Variants in HSPA9 observed in about 807,000 individuals in gnomAD.
HSPA9 encodes stress-70 protein, mitochondrial.
Under a neutral mutation model 81.5 loss-of-function variants are expected in HSPA9, and 28 were observed. That is an observed-to-expected ratio of 0.34 (90% confidence interval 0.25 to 0.47). The LOEUF (loss-of-function observed/expected upper bound fraction) is 0.47, where lower values mean the gene tolerates loss of function less well. Ranked by LOEUF, HSPA9 falls within the 20% of genes least tolerant of loss-of-function variation. The probability of loss-of-function intolerance (pLI) is 1.00; values close to 1 mark genes in which losing one functional copy is unlikely to be tolerated. For synonymous variants in HSPA9, 293 were observed against 290.4 expected (o/e 1.01, Z -0.09); for missense variants, 678 against 838.0 (o/e 0.81, Z 2.36).
At position 138,555,949 on chromosome 5, in the gene HSPA9, G is replaced by T; in HGVS notation, c.*88C>A. ...GAATACTGCAAAAACACAGTAAAAA[G>T]ACTGAAGTTCGCCCATTTCTGCTCA... On this transcript the variant is annotated 3_prime_UTR_variant, in exon 17 of 17. Coordinates refer to ENST00000297185, the MANE Select transcript of HSPA9 (RefSeq NM_004134.7). 3.3e-6 allele frequency: 3 copies of T among 906,620 alleles called. No homozygotes were observed. The highest frequency in any genetic ancestry group is 5.5e-6 in the Non-Finnish European group (3 of 543,784). 56.2% of individuals were successfully genotyped at this position (906,620 alleles called of 1,614,324 possible).
chr5:138,558,714 T>C, intron 11 of HSPA9, 57 bp from the exon 12 acceptor site: 1 of 1,110,170 alleles, frequency 9.0e-7, no homozygotes, highest in Non-Finnish European at 1.4e-6. Flanking sequence ...TCCATTTCTA[T>C]AGAAAAAATG....
Position 138,556,862 on chromosome 5 carries a change from C to A in HSPA9, c.1733G>T (p.Arg578Leu). 1 of 1,611,770 alleles carries A rather than the reference C, an allele frequency of 6.2e-7. No homozygotes were observed. The highest frequency in any genetic ancestry group is 1.1e-5 in the South Asian group (1 of 91,012). ...YAEEDRRKKE[R>L]VEAVNMAEGI... ...TTCAGCCATATTAACTGCTTCAACT[C>A]GTTCCTTAGAGAAATTAGAAGTTTA... The change falls in exon 15 of 17, where the codon CGA becomes CTA. Residue 578 changes from arginine (R) to leucine (L), a missense_variant. This residue lies in a region of HSPA9 where 484 missense variants were observed against 647.5 expected (regional missense o/e 0.75). Transcript: ENST00000297185.
chr5:138,554,191 G>T lies in HSPA9; in HGVS notation c.*1846C>A, dbSNP rs942544405. On this transcript the variant is annotated 3_prime_UTR_variant, in exon 17 of 17. Transcript: ENST00000297185. ...AAATACTGTGTCCACCCATACCCAA[G>T]CAACTTCTCCCTCCTAATAGAACTC... Among the ~76,000 whole-genome samples, 1 of 152,210 alleles carries T rather than the reference G, an allele frequency of 6.6e-6. No individual in the cohort carries two copies. The highest frequency in any genetic ancestry group is 2.1e-4 in the South Asian group (1 of 4,824).
At chr5:138,556,715 T>G in intron 15 of HSPA9, 59 bp downstream of exon 15, 2 of 1,559,040 alleles carry the variant, frequency 1.3e-6, no homozygotes, top group Non-Finnish European at 1.8e-6. Flanking sequence ...AAAAATAAAC[T>G]TCACTGGCAT....
At chr5:138,561,826 G>C (rs1334003899) in intron 9 of HSPA9, 37 bp from the exon 10 acceptor site, 1 of 1,481,792 alleles carries the variant, frequency 6.7e-7, no homozygotes, top group Non-Finnish European at 9.4e-7. Flanking sequence ...TCAGCGAGCA[G>C]GCCAAATGAC....
chr5:138,572,535 T>G (rs1271562187), intron 3 of HSPA9, among the ~76,000 whole-genome samples: 1 of 152,222 alleles, frequency 6.6e-6, no homozygotes, highest in South Asian at 2.1e-4. Context: ...CTATTTCTTT[T>G]GAAGCCTCCT....
intron 10 of HSPA9, chr5:138,561,228 C>A (rs1580743632): frequency 2.7e-6 from 1 of 368,594 alleles, no homozygotes; most frequent in Non-Finnish European, 5.5e-6. Flanking sequence ...TGTTTCAATC[C>A]TAAAAATTCT....
chr5:138,573,893 A>T, intron 2 of HSPA9, 43 bp from the exon 3 acceptor site: 1 of 1,482,366 alleles, frequency 6.7e-7, no homozygotes, highest in Non-Finnish European at 9.4e-7. Context: ...TGTTATCTTG[A>T]TAGACCAAAG....
intron 6 of HSPA9, 22 bp from the exon 7 acceptor site, chr5:138,567,583 A>C: frequency 6.2e-7 from 1 of 1,609,732 alleles, no homozygotes; most frequent in Non-Finnish European, 8.5e-7. Flanking sequence ...AAAGAGAAAA[A>C]CATTTTTGTA....
intron 9 of HSPA9, among the ~76,000 whole-genome samples, chr5:138,562,043 A>G (rs1750672407): frequency 6.6e-6 from 1 of 151,358 alleles, no homozygotes; most frequent in Non-Finnish European, 1.5e-5. Flanking sequence ...GGTTCAAGCG[A>G]TTCTCCTGCC....
At position 138,554,803 on chromosome 5, in the gene HSPA9, T is replaced by C. The variant is rs1750485228; in HGVS notation, c.*1234A>G. 1.3e-5 allele frequency: 2 copies of C among 152,192 alleles called. No individual in the cohort carries two copies. 9.4% of individuals were successfully genotyped at this position (152,192 alleles called of 1,614,324 possible). Reference sequence around the variant, plus strand: ...AGATGTAGTTGCCTTTCTGCTCAGGTTGTCAGCACATGATAATTATTAGAA... The same window carrying C: ...AGATGTAGTTGCCTTTCTGCTCAGGCTGTCAGCACATGATAATTATTAGAA... On this transcript the variant is annotated 3_prime_UTR_variant, in exon 17 of 17. Coordinates refer to ENST00000297185, the MANE Select transcript of HSPA9 (RefSeq NM_004134.7).
intron 4 of HSPA9, among the ~76,000 whole-genome samples, chr5:138,570,459 C>T (rs1419327963): frequency 6.6e-6 from 1 of 152,156 alleles, no homozygotes; most frequent in Admixed American, 6.5e-5. Context: ...CATGTCAATA[C>T]ATAGCAAAGA....
At chr5:138,572,911 T>A (rs997094258) in intron 3 of HSPA9, among the ~76,000 whole-genome samples, 5 of 152,156 alleles carry the variant, frequency 3.3e-5, no homozygotes, top group African/African-American at 1.2e-4. Context: ...TTTTTTTTTT[T>A]TTGAGACAAA....
At chr5:138,575,156 A>T (rs1751061446) in intron 1 of HSPA9, 82 bp downstream of exon 1, 1 of 963,586 alleles carries the variant, frequency 1.0e-6, no homozygotes, top group African/African-American at 1.6e-5. Flanking sequence ...CAAACCCTAA[A>T]GGGCGCGCGG....
At chr5:138,563,033 G>T (rs1276716277) in intron 9 of HSPA9, among the ~76,000 whole-genome samples, 1 of 152,194 alleles carries the variant, frequency 6.6e-6, no homozygotes, top group African/African-American at 2.4e-5. Flanking sequence ...TTCTTCAGGA[G>T]AAGTATCCTA....
Position 138,567,733 on chromosome 5 carries a change from A to G in HSPA9, c.536-11T>C. ...GCCCCAAGTAATTTTCTGGAAAAGAATGAAATTCAATCATGGAATTCTGTC... is the reference window on the plus strand; with the variant it reads ...GCCCCAAGTAATTTTCTGGAAAAGAGTGAAATTCAATCATGGAATTCTGTC... On this transcript the variant is annotated splice_polypyrimidine_tract_variant and intron_variant, in intron 5 of 16. Coordinates refer to ENST00000297185, the MANE Select transcript of HSPA9 (RefSeq NM_004134.7). 6.3e-7 allele frequency: 1 copy of G among 1,595,894 alleles called. No homozygotes were observed. Among genetic ancestry groups the G allele is most frequent in the Non-Finnish European group, 8.6e-7 (1 of 1,163,966 alleles).
In HSPA9 at chr5:138,574,104, T is replaced by G. The variant is rs763648133; in HGVS notation, c.104A>C (p.His35Pro). ...RHQDSWNGLS[H>P]EAFRLVSRRD... ...CCTTGAAACAAGTCTAAAAGCCTCA[T>G]GACTAAGGCCATTCCAGCTATCCTA... Residue 35 changes from histidine (H) to proline (P), a missense_variant, in exon 2 of 17, where the codon CAT (histidine) becomes CCT (proline). By Grantham distance (77) the His-to-Pro change is moderately conservative. Transcript: ENST00000297185. The G allele has an allele frequency of 1.2e-6, 2 of 1,613,886 alleles. No homozygotes were observed. The highest frequency in any genetic ancestry group is 2.2e-5 in the South Asian group (2 of 91,084).
In HSPA9 at chr5:138,554,412, A is replaced by G. The variant is rs10063809; in HGVS notation, c.*1625T>C. ...TAAAAGTTATTTTCCAACACACCAT[A>G]TAACAATCCTTCATAATCCTACAAT... On this transcript the variant is annotated 3_prime_UTR_variant, in exon 17 of 17. Coordinates refer to ENST00000297185, the MANE Select transcript of HSPA9 (RefSeq NM_004134.7). 0.013 allele frequency among the ~76,000 whole-genome samples: 2,010 copies of G among 152,322 alleles called. 49 individuals carry two copies. The highest frequency in any genetic ancestry group is 0.045 in the African/African-American group (1,885 of 41,574).
At chr5:138,558,877 A>C (rs1750591128) in intron 11 of HSPA9, 2 of 507,360 alleles carry the variant, frequency 3.9e-6, no homozygotes, top group Non-Finnish European at 7.2e-6. Flanking sequence ...TGCATTGTAC[A>C]AAGACGCAGC....
Sources: allele counts gnomAD v4.1 joint callset (sites outside exome capture counted in the v4.1 genomes callset), GRCh38; gene constraint gnomAD v4.1.1; regional missense constraint gnomAD v4.1.1; transcripts MANE v1.5; gene names NCBI Gene and HGNC (gene_info 2026-07-23, HGNC 2026-07-21).